The following MAP3K19 variants were observed in gnomAD, a reference collection of about 807,000 sequenced individuals.
MAP3K19 encodes SPS1/STE20-related protein kinase YSK4.
In MAP3K19, 91 loss-of-function variants were observed where a neutral mutation model predicts 114.4. The ratio of observed to expected loss-of-function variants is 0.80; its 90% CI spans 0.67 to 0.95. MAP3K19 has a LOEUF of 0.95. Among genes scored for constraint, MAP3K19 ranks in the 40% least tolerant of loss-of-function variants. The pLI is 0.00. For missense variants in MAP3K19, 1,471 were observed against 1,573.2 expected (o/e 0.94, Z 1.10); for synonymous variants, 518 against 530.5 (o/e 0.98, Z 0.32).
At chr2:135,046,196 A>G (rs17293519) in intron 1 of MAP3K19, among the ~76,000 whole-genome samples, 47,746 of 152,116 alleles carry the variant, frequency 0.31, 11,391 homozygotes, top group African/African-American at 0.65. Flanking sequence ...TTCCTCTTCC[A>G]ACCTTCAATC....
chr2:134,983,874 G>C lies in MAP3K19; in HGVS notation c.3073-49C>G, dbSNP rs369386563. 31 of 1,335,730 alleles carry C rather than the reference G, an allele frequency of 2.3e-5. No homozygotes were observed. The African/African-American group carries it at 3.6e-4, about 16-fold the overall frequency. The allele number at this position is 1,335,730 out of a possible 1,614,324, so 82.7% of individuals were successfully genotyped here. On this transcript the variant is annotated intron_variant, in intron 10 of 12. Coordinates refer to ENST00000392915, the MANE Select transcript of MAP3K19 (RefSeq NM_025052.5). The stretch of plus-strand genomic sequence containing the variant: ...AGATGACCATTAAACCAAGTCACTG[G>C]GATGGAGAGAAAGGGGTGAGAGTAA...
intron 2 of MAP3K19, among the ~76,000 whole-genome samples, chr2:135,039,882 T>C (rs1249539829): frequency 2.0e-5 from 3 of 152,340 alleles, no homozygotes; most frequent in South Asian, 4.2e-4. Flanking sequence ...TATTAACCCC[T>C]GGCTGGGTCA....
chr2:134,991,642 A>G, intron 8 of MAP3K19, 62 bp from the exon 9 acceptor site: 1 of 1,385,726 alleles, frequency 7.2e-7, no homozygotes, highest in Non-Finnish European at 1.0e-6. Context: ...GTCTCAAGCC[A>G]GAGTCTGGGG....
At chr2:135,041,912 C>G (rs1232520359) in intron 1 of MAP3K19, among the ~76,000 whole-genome samples, 1 of 152,096 alleles carries the variant, frequency 6.6e-6, no homozygotes, top group Non-Finnish European at 1.5e-5. Flanking sequence ...GGCCAGACTA[C>G]GTGAACATGT....
intron 6 of MAP3K19, among the ~76,000 whole-genome samples, chr2:135,004,859 C>G (rs10174462): frequency 0.35 from 53,465 of 152,036 alleles, 12,063 homozygotes; most frequent in African/African-American, 0.61. Context: ...GACAACGGCT[C>G]ATGGAGACAC....
chr2:135,024,811 A>C (rs1574046746), intron 3 of MAP3K19, 70 bp from the exon 4 acceptor site: 1 of 609,658 alleles, frequency 1.6e-6, no homozygotes, highest in Non-Finnish European at 2.9e-6. Flanking sequence ...CTAATATGAG[A>C]GGGAAACATT....
At chr2:135,023,653 A>T in intron 4 of MAP3K19, 1 of 456,502 alleles carries the variant, frequency 2.2e-6, no homozygotes. Flanking sequence ...CAGTTCTGTG[A>T]ATTGTTCTTT....
intron 12 of MAP3K19, among the ~76,000 whole-genome samples, chr2:134,967,234 C>T (rs1683420987): frequency 6.6e-6 from 1 of 152,180 alleles, no homozygotes; most frequent in Non-Finnish European, 1.5e-5. Flanking sequence ...CCTCAGGGAG[C>T]TCTGCCCTTG....
chr2:134,968,410 G>C (rs1164286036), intron 12 of MAP3K19, among the ~76,000 whole-genome samples: 3 of 146,500 alleles, frequency 2.0e-5, no homozygotes, highest in African/African-American at 2.6e-5. Flanking sequence ...CGGGCAGAGG[G>C]GCTCCTCACA....
Position 134,988,206 on chromosome 2 carries a change from A to G in MAP3K19, c.666T>C (p.Leu222=), listed in dbSNP as rs1559155080. The part of the protein sequence containing the change: ...LSLLPTRSGV[L]TIPQNHKFPK... ...GAAACTTGTGATTTTGGGGGATAGT[A>G]AGGACACCAGATCGCGTGGGCAAGA... Residue 222 remains leucine, a synonymous_variant, in exon 10 of 13, where the codon CTT becomes CTC. Transcript: ENST00000392915. 3 of 1,607,970 alleles carry G rather than the reference A, an allele frequency of 1.9e-6. No homozygotes were observed. Among genetic ancestry groups the G allele is most frequent in the Admixed American group, 1.7e-5 (1 of 59,302 alleles).
chr2:135,026,616 A>G (rs1044950457), intron 3 of MAP3K19, among the ~76,000 whole-genome samples: 1 of 152,150 alleles, frequency 6.6e-6, no homozygotes, highest in African/African-American at 2.4e-5. Context: ...CAATTGTAAC[A>G]TAAGAGATTG....
intron 11 of MAP3K19, 69 bp downstream of exon 11, chr2:134,983,607 T>G (rs1478479386): frequency 7.0e-5 from 51 of 728,792 alleles, no homozygotes; most frequent in African/African-American, 4.6e-4. Context: ...ACTGGGGGAG[T>G]GGGAGGGGTG....
intron 5 of MAP3K19, among the ~76,000 whole-genome samples, chr2:135,016,934 G>A (rs998320120): frequency 1.3e-5 from 2 of 152,004 alleles, no homozygotes; most frequent in African/African-American, 4.8e-5. Context: ...TGCAGTGATG[G>A]GTGCTTTAAA....
chr2:135,023,356 C>T, intron 4 of MAP3K19: 1 of 485,510 alleles, frequency 2.1e-6, no homozygotes, highest in Non-Finnish European at 4.3e-6. Flanking sequence ...ACCTCCTCGG[C>T]TCAGCCCTCT....
At chr2:134,974,519 C>A (rs912480873) in intron 12 of MAP3K19, among the ~76,000 whole-genome samples, 5 of 152,122 alleles carry the variant, frequency 3.3e-5, no homozygotes, top group Non-Finnish European at 5.9e-5. Context: ...CTCTTAGCTT[C>A]CTGTATCTGG....
rs1683211341 is a variant in MAP3K19, at chr2:134,964,505, T to G, written c.*345A>C. 2 of 162,300 alleles carry G rather than the reference T, an allele frequency of 1.2e-5. No homozygotes were observed. The highest frequency in any genetic ancestry group is 4.8e-5 in the African/African-American group (2 of 41,834). The allele number at this position is 162,300 out of a possible 1,614,324, so 10.1% of individuals were successfully genotyped here. ...GAAAATATAAGTTGTTTTTACAATT[T>G]ATTTTAAACTAACAACATTAAAATT... On this transcript the variant is annotated 3_prime_UTR_variant, in exon 13 of 13. Coordinates refer to ENST00000392915, the MANE Select transcript of MAP3K19 (RefSeq NM_025052.5).
intron 2 of MAP3K19, among the ~76,000 whole-genome samples, chr2:135,036,635 TTATG>T (rs1399854950): frequency 1.5e-4 from 19 of 126,536 alleles, no homozygotes; most frequent in East Asian, 1.5e-3. Context: ...GAGTTCAACA[TTATG>T]TGTGTGTGTG....
At chr2:135,004,674 C>T (rs1271860584) in intron 6 of MAP3K19, among the ~76,000 whole-genome samples, 2 of 152,148 alleles carry the variant, frequency 1.3e-5, no homozygotes, top group African/African-American at 4.8e-5. Context: ...TGCTCTGAGG[C>T]GAGAATCTGC....
intron 9 of MAP3K19, among the ~76,000 whole-genome samples, chr2:134,991,161 C>T (rs1179612459): frequency 2.6e-5 from 4 of 151,902 alleles, no homozygotes; most frequent in Non-Finnish European, 5.9e-5. Flanking sequence ...ATTAGCCGGG[C>T]GTGGTGGCGG....
Sources: allele counts gnomAD v4.1 joint callset (sites outside exome capture counted in the v4.1 genomes callset), GRCh38; gene constraint gnomAD v4.1.1; transcripts MANE v1.5; gene names NCBI Gene and HGNC (gene_info 2026-07-23, HGNC 2026-07-21).